Variants in GNAO1 observed in about 807,000 individuals in gnomAD.
The protein encoded by GNAO1 is G protein subunit alpha o1.
For missense variants in GNAO1, 166 were observed against 478.7 expected (o/e 0.35, Z 6.10); for synonymous variants, 164 against 180.7 (o/e 0.91, Z 0.74).
chr16:56,257,184 G>A (rs1207941972), intron 2 of GNAO1, among the ~76,000 whole-genome samples: 1 of 152,034 alleles, frequency 6.6e-6, no homozygotes, highest in Non-Finnish European at 1.5e-5. Context: ...TTGGGGGGGG[G>A]AAATTAGAAG....
chr16:56,300,427 A>G (rs2037333751), intron 3 of GNAO1, among the ~76,000 whole-genome samples: 1 of 152,234 alleles, frequency 6.6e-6, no homozygotes, highest in African/African-American at 2.4e-5. Context: ...ACATAGTAAC[A>G]GTTAACCTCC....
intron 2 of GNAO1, among the ~76,000 whole-genome samples, chr16:56,272,654 T>C (rs1271995023): frequency 6.6e-6 from 1 of 152,234 alleles, no homozygotes; most frequent in Non-Finnish European, 1.5e-5. Flanking sequence ...TGGCCCAGGC[T>C]CTTACCTGCT....
At chr16:56,335,651 G>T (rs1465597862) in intron 5 of GNAO1, among the ~76,000 whole-genome samples, 1 of 152,168 alleles carries the variant, frequency 6.6e-6, no homozygotes, top group Admixed American at 6.5e-5. Context: ...GCAGATCTGG[G>T]GAGCAAAACC....
intron 3 of GNAO1, among the ~76,000 whole-genome samples, chr16:56,292,543 G>A (rs968927687): frequency 4.6e-5 from 7 of 152,002 alleles, no homozygotes; most frequent in Non-Finnish European, 1.0e-4. Flanking sequence ...TGTATTTTTT[G>A]TAGAGATAGG....
intron 3 of GNAO1, among the ~76,000 whole-genome samples, chr16:56,279,143 G>T (rs1184281512): frequency 1.3e-5 from 2 of 152,078 alleles, no homozygotes; most frequent in African/African-American, 4.8e-5. Flanking sequence ...GGGCCAGCCA[G>T]CCTTGCACTC....
rs1567497781 is a variant in GNAO1, at chr16:56,355,066, TATAGCA to T, written c.*15_*20del. On this transcript the variant is annotated 3_prime_UTR_variant, in exon 8 of 9. Coordinates refer to ENST00000262493, the MANE Select transcript of GNAO1 (RefSeq NM_020988.3). Reference sequence around the variant, plus strand: ...CGGCTTGTACTGACCTCTTGTCCTGTATAGCAACCTATTTGGTAATGATTCCAGCAC... The same window carrying T: ...CGGCTTGTACTGACCTCTTGTCCTGTACCTATTTGGTAATGATTCCAGCAC... 6.3e-7 allele frequency: 1 copy of T among 1,577,450 alleles called. No homozygotes were observed.
At chr16:56,230,230 G>A (rs4784646) in intron 2 of GNAO1, among the ~76,000 whole-genome samples, 95,711 of 152,026 alleles carry the variant, frequency 0.63, 30,572 homozygotes, top group African/African-American at 0.72. Context: ...CTGGTGTGCA[G>A]TGACCACAGT....
chr16:56,305,593 G>A (rs1198160042), intron 3 of GNAO1, among the ~76,000 whole-genome samples: 7 of 152,168 alleles, frequency 4.6e-5, no homozygotes, highest in African/African-American at 1.7e-4. Context: ...TGAGGCTCAG[G>A]GGAGGAACGA....
At chr16:56,307,319 T>C (rs2037407450) in intron 3 of GNAO1, 1 of 152,174 alleles carries the variant, frequency 6.6e-6, no homozygotes, top group Non-Finnish European at 1.5e-5. Context: ...GGCCTCCGCG[T>C]TGGTAGGGAG....
Position 56,351,546 on chromosome 16 carries a change from C to T in GNAO1, c.877+9C>T. The T allele has an allele frequency of 6.2e-7, 1 of 1,608,450 alleles. No individual in the cohort carries two copies. Among genetic ancestry groups the T allele is most frequent in the Non-Finnish European group, 8.5e-7 (1 of 1,177,518 alleles). On this transcript the variant is annotated intron_variant, in intron 7 of 8. Transcript: ENST00000262493. The surrounding 1 kb of genome is among the most constrained non-coding windows in gnomAD (Gnocchi z 6.1). ...CTTTCCTGAATACACAGGTGGGTGCCAGGCAGTCCTGTGCAGGGGGAAGCC... is the reference window on the plus strand; with the variant it reads ...CTTTCCTGAATACACAGGTGGGTGCTAGGCAGTCCTGTGCAGGGGGAAGCC...
intron 3 of GNAO1, among the ~76,000 whole-genome samples, chr16:56,320,369 G>C (rs539311495): frequency 1.3e-5 from 2 of 152,162 alleles, no homozygotes; most frequent in African/African-American, 4.8e-5. Context: ...TGTGCTAAGT[G>C]CCCTCCGTTT....
At chr16:56,328,034 G>A (rs1479116445) in intron 3 of GNAO1, among the ~76,000 whole-genome samples, 3 of 152,118 alleles carry the variant, frequency 2.0e-5, no homozygotes, top group Non-Finnish European at 4.4e-5. Flanking sequence ...GCACTAACTT[G>A]GCAACCAGCC....
chr16:56,202,424 G>A (rs189850231), intron 2 of GNAO1, among the ~76,000 whole-genome samples: 1 of 152,328 alleles, frequency 6.6e-6, no homozygotes, highest in East Asian at 1.9e-4. Context: ...TGAGAGGTAG[G>A]GAGGGAGAGA....
At chr16:56,294,371 G>A (rs747065961) in intron 3 of GNAO1, among the ~76,000 whole-genome samples, 7 of 151,570 alleles carry the variant, frequency 4.6e-5, no homozygotes, top group Admixed American at 2.0e-4. Context: ...AGTGGACTGG[G>A]TGTGAGCTAG....
chr16:56,251,813 A>C (rs1567455389), intron 2 of GNAO1, among the ~76,000 whole-genome samples: 1 of 152,022 alleles, frequency 6.6e-6, no homozygotes, highest in Non-Finnish European at 1.5e-5. Context: ...TCTCCCTCTC[A>C]CTCTGCACTC....
intron 2 of GNAO1, among the ~76,000 whole-genome samples, chr16:56,265,333 A>G (rs1175971723): frequency 3.3e-5 from 5 of 152,200 alleles, no homozygotes; most frequent in Non-Finnish European, 5.9e-5. Flanking sequence ...CCTCTTATGC[A>G]TGTCCACAGC....
At chr16:56,301,767 T>C (rs2037346148) in intron 3 of GNAO1, 1 of 152,190 alleles carries the variant, frequency 6.6e-6, no homozygotes, top group African/African-American at 2.4e-5. Flanking sequence ...TGTGGGTGAT[T>C]CATAAGCGTA....
At chr16:56,226,422 G>T in intron 2 of GNAO1, 1 of 152,334 alleles carries the variant, frequency 6.6e-6, no homozygotes. Flanking sequence ...TCTGGCCAGT[G>T]AGTGATGCAA....
intron 3 of GNAO1, chr16:56,301,907 T>G (rs2143585847): frequency 6.6e-6 from 1 of 152,338 alleles, no homozygotes; most frequent in East Asian, 1.9e-4. Context: ...ACGAAGATAC[T>G]GAGACCCTAA....
Sources: allele counts gnomAD v4.1 joint callset (sites outside exome capture counted in the v4.1 genomes callset), GRCh38; gene constraint gnomAD v4.1.1; non-coding constraint Gnocchi (gnomAD v3.1); transcripts MANE v1.5; gene names NCBI Gene and HGNC (gene_info 2026-07-23, HGNC 2026-07-21).